The following PTBP2 variants were observed in gnomAD, a reference collection of about 807,000 sequenced individuals.
The protein encoded by PTBP2 is polypyrimidine tract binding protein 2.
Under a neutral mutation model 61.4 loss-of-function variants are expected in PTBP2, and 13 were observed. The observed-to-expected ratio is 0.21, with a 90% CI of 0.14 to 0.34. The LOEUF (loss-of-function observed/expected upper bound fraction) is 0.34. Among genes scored for constraint, PTBP2 ranks in the 10% least tolerant of loss-of-function variants. The pLI, the probability that PTBP2 is intolerant of heterozygous loss-of-function variation, is 1.00. For synonymous variants in PTBP2, 215 were observed against 218.5 expected (o/e 0.98, Z 0.14); for missense variants, 405 against 642.6 (o/e 0.63, Z 4.00).
chr1:96,728,984 C>T (rs558036779), intron 2 of PTBP2, among the ~76,000 whole-genome samples: 1 of 152,012 alleles, frequency 6.6e-6, no homozygotes, highest in East Asian at 1.9e-4. Context: ...TGTTCTGAAC[C>T]TTTGCTAAAC....
rs189425531 is a variant in PTBP2 at position 96,791,049 on chromosome 1, T to C, written c.904+5795T>C. ...AAAACCATCCAGGTATGCATGTTAT[T>C]TATTCATTGAGAGGATATACATCTC... On this transcript the variant is annotated intron_variant, in intron 8 of 13. Transcript: ENST00000674951. 1.6e-4 allele frequency among the ~76,000 whole-genome samples: 25 copies of C among 152,318 alleles called. No individual in the cohort carries two copies. The East Asian group carries it at 4.6e-3, about 28-fold the overall frequency.
intron 2 of PTBP2, among the ~76,000 whole-genome samples, chr1:96,731,956 C>T (rs1036145127): frequency 2.6e-5 from 4 of 152,088 alleles, no homozygotes; most frequent in East Asian, 3.9e-4. Flanking sequence ...AGGATGGTCC[C>T]CAATACGGTA....
At chr1:96,752,037 A>G (rs567425237) in intron 3 of PTBP2, among the ~76,000 whole-genome samples, 7 of 152,170 alleles carry the variant, frequency 4.6e-5, no homozygotes, top group African/African-American at 1.4e-4. Flanking sequence ...TTTAATCTTC[A>G]AAGTTAGAGT....
intron 2 of PTBP2, among the ~76,000 whole-genome samples, chr1:96,747,099 A>G (rs973122859): frequency 6.0e-5 from 9 of 151,058 alleles, no homozygotes; most frequent in African/African-American, 2.2e-4. Context: ...CCCCACCACT[A>G]GTTCCCAGTG....
intron 2 of PTBP2, among the ~76,000 whole-genome samples, chr1:96,732,778 C>T (rs1383445203): frequency 2.0e-5 from 3 of 152,076 alleles, no homozygotes; most frequent in South Asian, 2.1e-4. Context: ...GAGAGAAGGA[C>T]GTAACCAAAG....
chr1:96,751,458 C>G lies in PTBP2; in HGVS notation c.73C>G (p.Leu25Val). 1 of 1,612,886 alleles carries G rather than the reference C, an allele frequency of 6.2e-7. No homozygotes were observed. The highest frequency in any genetic ancestry group is 1.1e-5 in the South Asian group (1 of 91,022). Residue 25 changes from leucine to valine, a missense_variant, in exon 3 of 14, where the codon CTC (leucine) becomes GTC (valine). Physicochemically the swap from Leu to Val is conservative, Grantham distance 32. Transcript: ENST00000674951. ...TGACGAACTACTCTCAGGCAGTGTT[C>G]TCAGTAGTCCGAACTCTAATATGAG... ...GSDELLSGSVLSSPNSNMSSM... is the reference protein window; with the variant it reads ...GSDELLSGSVVSSPNSNMSSM...
chr1:96,772,152 T>C (rs1327301734), intron 5 of PTBP2, among the ~76,000 whole-genome samples: 1 of 152,194 alleles, frequency 6.6e-6, no homozygotes, highest in Non-Finnish European at 1.5e-5. Flanking sequence ...GAACTTCTGA[T>C]TGACCAGCTT....
intron 7 of PTBP2, among the ~76,000 whole-genome samples, chr1:96,781,736 C>A (rs962086204): frequency 1.3e-5 from 2 of 151,940 alleles, no homozygotes; most frequent in Admixed American, 1.3e-4. Flanking sequence ...ACTGTAAGTT[C>A]TGAGTACCAT....
intron 11 of PTBP2, among the ~76,000 whole-genome samples, chr1:96,810,896 T>C (rs927751764): frequency 6.6e-6 from 1 of 152,198 alleles, no homozygotes; most frequent in East Asian, 1.9e-4. Flanking sequence ...AATTTGCAAG[T>C]ATATGAAATT....
downstream of PTBP2, chr1:96,815,258 T>C (rs1048380208): frequency 2.6e-5 from 4 of 152,016 alleles, no homozygotes; most frequent in South Asian, 2.1e-4. Flanking sequence ...CATGCTCTCT[T>C]GCTGCAGTTT....
chr1:96,762,232 A>G (rs1212495649), intron 3 of PTBP2, among the ~76,000 whole-genome samples: 15 of 150,166 alleles, frequency 1.0e-4, no homozygotes, highest in Middle Eastern at 6.8e-3. Context: ...CCCGTTCTCA[A>G]TGAGCTGTTG....
rs371352216 is a variant in PTBP2, at chr1:96,747,641, CAG to C, written c.40-3782_40-3781del. Among the ~76,000 whole-genome samples, 13 of 152,132 alleles carry C rather than the reference CAG, an allele frequency of 8.5e-5. 1 individual carries two copies. The highest frequency in any genetic ancestry group is 3.1e-4 in the African/African-American group (13 of 41,528). On this transcript the variant is annotated intron_variant, in intron 2 of 13. Coordinates refer to ENST00000674951, the MANE Select transcript of PTBP2 (RefSeq NM_021190.4). The stretch of plus-strand genomic sequence containing the variant: ...CTGAAAAAACTATCATAACAAAATG[CAG>C]AATATGGTGGCATAAATAAAAGAGT...
chr1:96,724,670 C>T (rs2100772562), intron 2 of PTBP2, among the ~76,000 whole-genome samples: 1 of 133,708 alleles, frequency 7.5e-6, no homozygotes, highest in East Asian at 2.2e-4. Flanking sequence ...AAAATTGTAT[C>T]CATAATGGGG....
chr1:96,755,903 G>A (rs1225114890), intron 3 of PTBP2, among the ~76,000 whole-genome samples: 9 of 152,142 alleles, frequency 5.9e-5, no homozygotes. Flanking sequence ...TATTGTGATG[G>A]TGGTTTTATG....
intron 8 of PTBP2, among the ~76,000 whole-genome samples, chr1:96,797,888 C>CA (rs1255668747): frequency 6.6e-6 from 1 of 151,988 alleles, no homozygotes; most frequent in East Asian, 1.9e-4. Flanking sequence ...AATCGGAACC[C>CA]AGAGATACAG....
At chr1:96,765,676 A>T (rs1427850016) in intron 3 of PTBP2, among the ~76,000 whole-genome samples, 3 of 151,772 alleles carry the variant, frequency 2.0e-5, no homozygotes, top group Non-Finnish European at 4.4e-5. Context: ...ATGCCACTGC[A>T]CTCCAGCCTG....
chr1:96,763,068 G>A (rs897078383), intron 3 of PTBP2, among the ~76,000 whole-genome samples: 16 of 151,534 alleles, frequency 1.1e-4, no homozygotes, highest in African/African-American at 3.2e-4. Flanking sequence ...GATGGCGGCC[G>A]GGCAGAGACC....
chr1:96,756,428 A>AG (rs1655167281), intron 3 of PTBP2, among the ~76,000 whole-genome samples: 1 of 152,192 alleles, frequency 6.6e-6, no homozygotes, highest in African/African-American at 2.4e-5. Context: ...ATGATCCAGC[A>AG]GTTGTGCTCC....
In PTBP2 at chr1:96,813,801, GT is replaced by G. The variant is rs1662308145; in HGVS notation, c.*399del. On this transcript the variant is annotated 3_prime_UTR_variant, in exon 14 of 14. Transcript: ENST00000674951. ...CACTGTTATATGGGAATTAAAATATGTTTAGGCAGGGGTGTGTAAAAAGGTT... is the reference window on the plus strand; with the variant it reads ...CACTGTTATATGGGAATTAAAATATGTTAGGCAGGGGTGTGTAAAAAGGTT... The G allele has an allele frequency of 6.5e-6, 1 of 153,712 alleles. No individual in the cohort carries two copies. Among genetic ancestry groups the G allele is most frequent in the Non-Finnish European group, 1.4e-5 (1 of 69,490 alleles). 9.5% of individuals were successfully genotyped at this position (153,712 alleles called of 1,614,324 possible).
Sources: allele counts gnomAD v4.1 joint callset (sites outside exome capture counted in the v4.1 genomes callset), GRCh38; gene constraint gnomAD v4.1.1; transcripts MANE v1.5; gene names NCBI Gene and HGNC (gene_info 2026-07-23, HGNC 2026-07-21).